The following DPY19L2 variants were observed in gnomAD, a reference collection of about 807,000 sequenced individuals.
DPY19L2 encodes probable C-mannosyltransferase DPY19L2.
A neutral mutation model predicts 97.9 loss-of-function variants in DPY19L2; 34 were observed. That is an observed-to-expected ratio of 0.35 (90% CI 0.26 to 0.46). DPY19L2 has a LOEUF of 0.46. DPY19L2 is among the 20% of genes least tolerant of loss of function. DPY19L2 has a pLI of 1.00. For synonymous variants in DPY19L2, 230 were observed against 307.9 expected (o/e 0.75, Z 2.65); for missense variants, 623 against 911.4 (o/e 0.68, Z 4.07).
At chr12:63,609,327 T>C (rs140701987) in intron 11 of DPY19L2, among the ~76,000 whole-genome samples, 2,654 of 152,080 alleles carry the variant, frequency 0.017, 41 homozygotes, top group Non-Finnish European at 0.026. Context: ...CTCAAAACTA[T>C]ACCTGCAGTG....
chr12:63,586,804 T>C (rs555526859), intron 16 of DPY19L2, among the ~76,000 whole-genome samples: 2 of 152,268 alleles, frequency 1.3e-5, no homozygotes, highest in African/African-American at 4.8e-5. Flanking sequence ...ATGAATACAT[T>C]TGATAATAAT....
rs538488702 is a variant in DPY19L2 at position 63,584,022 on chromosome 12, A to G, written c.1581-186T>C. ...AAATTACAACAATTTAAAAGTCATA[A>G]TTTATAGTCATCCTATTCAAGATAT... On this transcript the variant is annotated intron_variant, in intron 16 of 21. Transcript: ENST00000324472. The G allele has an allele frequency of 8.9e-4, 491 of 550,062 alleles. 2 individuals carry two copies. Among genetic ancestry groups the G allele is most frequent in the Non-Finnish European group, 1.5e-3 (458 of 307,800 alleles). The allele number at this position is 550,062 out of a possible 1,614,324, so 34.1% of individuals were successfully genotyped here.
In DPY19L2 at chr12:63,650,654, A is replaced by G. The variant is rs970115831; in HGVS notation, c.589-3289T>C. On this transcript the variant is annotated intron_variant, in intron 4 of 21. Transcript: ENST00000324472. ...ATTAGAGCGGAGAAAAATCTCTACA[A>G]TGAGAATTACAAAACACTGCTGAAA... Among the ~76,000 whole-genome samples, 5 of 152,184 alleles carry G rather than the reference A, an allele frequency of 3.3e-5. 1 individual carries two copies. The highest frequency in any genetic ancestry group is 9.7e-5 in the African/African-American group (4 of 41,446).
Position 63,668,271 on chromosome 12 carries a change from G to A in DPY19L2, c.123C>T (p.Ala41=). 6.2e-7 allele frequency: 1 copy of A among 1,613,890 alleles called. No individual in the cohort carries two copies. The highest frequency in any genetic ancestry group is 1.3e-5 in the African/African-American group (1 of 75,010). The part of the protein sequence containing the change: ...PEVEEEMEKS[A]LGGGKLPRGS... Reference sequence around the variant, plus strand: ...CCCTTGGCAGTTTCCCGCCGCCTAGGGCCGACTTTTCCATCTCCTCCTCTA... The same window carrying A: ...CCCTTGGCAGTTTCCCGCCGCCTAGAGCCGACTTTTCCATCTCCTCCTCTA... The change falls in exon 1 of 22, where the codon GCC becomes GCT. Residue 41 remains alanine, a synonymous_variant. Transcript: ENST00000324472.
chr12:63,626,491 C>G lies in DPY19L2; in HGVS notation c.839G>C (p.Cys280Ser). The part of the protein sequence containing the change: ...TQLGGLITVL[C>S]FFFNHGEATR... ...AACCTCTCCATGGTTGAAAAAGAAG[C>G]ACAGTACTGTAATAAGACCTCCCAG... is the stretch of plus-strand genomic sequence containing the variant. The change falls in exon 7 of 22, where the codon TGC becomes TCC. Residue 280 changes from cysteine to serine, a missense_variant. By Grantham distance (112) the Cys-to-Ser change is moderately radical. Around this residue, in one of 6 missense-constraint regions of DPY19L2, gnomAD observed 67 missense variants for 88.0 expected, o/e 0.76. Coordinates refer to ENST00000324472, the MANE Select transcript of DPY19L2 (RefSeq NM_173812.5). 5.1e-6 allele frequency: 8 copies of G among 1,568,050 alleles called. No homozygotes were observed. Among genetic ancestry groups the G allele is most frequent in the Non-Finnish European group, 6.9e-6 (8 of 1,165,484 alleles).
rs1021313192 is a variant in DPY19L2 at position 63,587,095 on chromosome 12, A to G, written c.1581-3259T>C. 3.4e-4 allele frequency among the ~76,000 whole-genome samples: 52 copies of G among 152,290 alleles called. 1 individual carries two copies. The highest frequency in any genetic ancestry group is 1.2e-3 in the African/African-American group (48 of 41,586). ...TTAAAAAAAAGCATAAATACAGGTA[A>G]ACCAGGAAAATCTATAAAAAAGAAA... is the stretch of plus-strand genomic sequence containing the variant. On this transcript the variant is annotated intron_variant, in intron 16 of 21. Transcript: ENST00000324472.
Position 63,569,237 on chromosome 12 carries a change from C to T in DPY19L2, c.2113G>A (p.Val705Ile), listed in dbSNP as rs372830685. 3.8e-6 allele frequency: 6 copies of T among 1,593,972 alleles called. No homozygotes were observed. Among genetic ancestry groups the T allele is most frequent in the Non-Finnish European group, 5.1e-6 (6 of 1,173,362 alleles). ...GTTAATACTCACTTAGTTCTCACAA[C>T]ACACCATGCCTCTTCTAAAACATAA... ...NYYVLEEAWC[V>I]VRTKPGCSML... The change falls in exon 21 of 22, where the codon GTT becomes ATT. Residue 705 changes from valine (V) to isoleucine (I), a missense_variant. Val to Ile is a conservative substitution (Grantham distance 29, BLOSUM62 3). Coordinates refer to ENST00000324472, the MANE Select transcript of DPY19L2 (RefSeq NM_173812.5).
At chr12:63,579,644 C>T (rs1202245100) in intron 19 of DPY19L2, among the ~76,000 whole-genome samples, 1 of 152,034 alleles carries the variant, frequency 6.6e-6, no homozygotes, top group Non-Finnish European at 1.5e-5. Context: ...ATAGCTATAA[C>T]TGGGGAGGGG....
chr12:63,594,526 GTGTGTGTA>G (rs145626046), intron 15 of DPY19L2, among the ~76,000 whole-genome samples: 15,628 of 142,688 alleles, frequency 0.11, 1,017 homozygotes, highest in Middle Eastern at 0.19. Flanking sequence ...ATTTGTGTGT[GTGTGTGTA>G]TGTGTGTATG....
At chr12:63,644,909 C>G (rs1200736743) in intron 5 of DPY19L2, among the ~76,000 whole-genome samples, 4 of 152,094 alleles carry the variant, frequency 2.6e-5, no homozygotes, top group Admixed American at 1.3e-4. Flanking sequence ...TCTGTAGAAC[C>G]ACTTAATGAA....
At chr12:63,587,598 C>T (rs1200675427) in intron 16 of DPY19L2, among the ~76,000 whole-genome samples, 3 of 73,810 alleles carry the variant, frequency 4.1e-5, no homozygotes, top group African/African-American at 1.4e-4. Context: ...ATTATTGAGA[C>T]AGAGCCTCGC....
intron 12 of DPY19L2, among the ~76,000 whole-genome samples, chr12:63,606,903 G>C (rs980585589): frequency 1.3e-5 from 2 of 152,062 alleles, no homozygotes; most frequent in Non-Finnish European, 2.9e-5. Flanking sequence ...CCATTAAACA[G>C]TGAACTTGCT....
intron 6 of DPY19L2, among the ~76,000 whole-genome samples, chr12:63,630,847 C>A (rs1376930533): frequency 6.6e-6 from 1 of 152,110 alleles, no homozygotes; most frequent in Non-Finnish European, 1.5e-5. Context: ...TGTAAAAGAA[C>A]AGAAATTATA....
chr12:63,623,336 T>C (rs1181600387), intron 8 of DPY19L2, among the ~76,000 whole-genome samples: 2 of 152,174 alleles, frequency 1.3e-5, no homozygotes, highest in Admixed American at 1.3e-4. Flanking sequence ...ATATATATAC[T>C]CCTTATCCAT....
At chr12:63,659,960 C>G (rs1265062921) in intron 4 of DPY19L2, among the ~76,000 whole-genome samples, 4 of 151,972 alleles carry the variant, frequency 2.6e-5, no homozygotes, top group Non-Finnish European at 5.9e-5. Context: ...TATATTTATC[C>G]CCATAAATAA....
Position 63,626,471 on chromosome 12 carries a change from C to T in DPY19L2, c.859G>A (p.Glu287Lys). ...TVLCFFFNHG[E>K]ATRVMWTPPL... ...AAATTGCTTTCTAGAAAACAAACCTCTCCATGGTTGAAAAAGAAGCACAGT... is the reference window on the plus strand; with the variant it reads ...AAATTGCTTTCTAGAAAACAAACCTTTCCATGGTTGAAAAAGAAGCACAGT... The change falls in exon 7 of 22, where the codon GAG (glutamate) becomes AAG (lysine). Residue 287 changes from glutamate (E) to lysine (K), a missense_variant and splice_region_variant. Glu to Lys is a moderately conservative substitution (Grantham distance 56). Coordinates refer to ENST00000324472, the MANE Select transcript of DPY19L2 (RefSeq NM_173812.5). 1 of 1,580,198 alleles carries T rather than the reference C, an allele frequency of 6.3e-7. No homozygotes were observed. Among genetic ancestry groups the T allele is most frequent in the Non-Finnish European group, 8.5e-7 (1 of 1,169,874 alleles).
chr12:63,667,110 C>A (rs979589343), intron 1 of DPY19L2, among the ~76,000 whole-genome samples: 2 of 151,986 alleles, frequency 1.3e-5, no homozygotes, highest in Admixed American at 1.3e-4. Context: ...CATTTTTGGA[C>A]TGTATGCAAG....
chr12:63,594,747 T>A (rs1394429925), intron 15 of DPY19L2, among the ~76,000 whole-genome samples: 1 of 152,002 alleles, frequency 6.6e-6, no homozygotes, highest in Non-Finnish European at 1.5e-5. Context: ...TATTTATAAG[T>A]CTTGGATCTT....
intron 8 of DPY19L2, among the ~76,000 whole-genome samples, chr12:63,622,981 A>G (rs1157297384): frequency 1.3e-5 from 2 of 152,170 alleles, no homozygotes; most frequent in Non-Finnish European, 2.9e-5. Flanking sequence ...TACTGTTTTA[A>G]AAAATAAGGA....
Sources: gnomAD v4.1 joint callset for allele counts (sites outside exome capture counted in the v4.1 genomes callset) on GRCh38, gnomAD v4.1.1 for gene constraint, gnomAD v4.1.1 regional missense constraint, MANE v1.5 for transcripts, NCBI Gene and HGNC (gene_info 2026-07-23, HGNC 2026-07-21) for gene names.